Variants in NUCB2 observed in about 807,000 individuals in gnomAD.
NUCB2 encodes the protein nucleobindin-2.
NUCB2 carries 48 observed loss-of-function variants against 57.9 expected under a neutral mutation model. The observed-to-expected ratio is 0.83, with a 90% CI of 0.66 to 1.05. NUCB2 has a LOEUF of 1.05. NUCB2 is among the 50% of genes least tolerant of loss of function. The pLI is 0.00. For synonymous variants in NUCB2, 139 were observed against 152.1 expected, an observed-to-expected ratio of 0.91 and a Z score of 0.64; for missense variants, 442 against 476.2, an observed-to-expected ratio of 0.93 and a Z score of 0.67.
chr11:17,330,019 A>T lies in NUCB2; in HGVS notation c.1003-108A>T, dbSNP rs913595497. Reference sequence around the variant, plus strand: ...CTTCCTTCTTACCTCCAAAGGCGTAATCCTATAGATACTCTTTTATACTTT... The same window carrying T: ...CTTCCTTCTTACCTCCAAAGGCGTATTCCTATAGATACTCTTTTATACTTT... On this transcript the variant is annotated intron_variant, in intron 11 of 13. Coordinates refer to ENST00000529010, the MANE Select transcript of NUCB2 (RefSeq NM_005013.4). The surrounding 1 kb of genome is among the most constrained non-coding windows in gnomAD (Gnocchi z 4.3). 1.8e-6 allele frequency: 1 copy of T among 548,078 alleles called. No individual in the cohort carries two copies. Among genetic ancestry groups the T allele is most frequent in the African/African-American group, 1.9e-5 (1 of 52,646 alleles). 34.0% of individuals were successfully genotyped at this position (548,078 alleles called of 1,614,324 possible). A position where few individuals can be genotyped will look rare whatever the true frequency, so the allele number is the denominator to read the frequency against.
In NUCB2 at chr11:17,312,063, T is replaced by C; in HGVS notation, c.855T>C (p.Asp285=). ...EKVYDPKNEE[D]DMVEMEEERL... is the part of the protein sequence containing the mutation. ...TATATGACCCTAAAAATGAAGAGGATGATATGGTAGAAATGGAAGAAGAAA... is the reference window on the plus strand; with the variant it reads ...TATATGACCCTAAAAATGAAGAGGACGATATGGTAGAAATGGAAGAAGAAA... Residue 285 remains aspartate, a synonymous_variant, in exon 10 of 14, where the codon GAT becomes GAC. Coordinates refer to ENST00000529010, the MANE Select transcript of NUCB2 (RefSeq NM_005013.4). 2.5e-6 allele frequency: 4 copies of C among 1,591,072 alleles called. No homozygotes were observed. Among genetic ancestry groups the C allele is most frequent in the Non-Finnish European group, 3.4e-6 (4 of 1,168,648 alleles).
intron 2 of NUCB2, among the ~76,000 whole-genome samples, chr11:17,345,713 A>T (rs1297437175): frequency 6.6e-6 from 1 of 152,208 alleles, no homozygotes; most frequent in Non-Finnish European, 1.5e-5. Context: ...TCTCAAAAAA[A>T]AGAAAAGTAA....
At chr11:17,298,748 G>A (rs1170722511) in intron 4 of NUCB2, among the ~76,000 whole-genome samples, 1 of 151,468 alleles carries the variant, frequency 6.6e-6, no homozygotes, top group Middle Eastern at 3.4e-3. Context: ...ACCCAGGCTG[G>A]AGTACAGTGA....
At chr11:17,294,378 A>G (rs1235140570) in intron 2 of NUCB2, among the ~76,000 whole-genome samples, 5 of 152,172 alleles carry the variant, frequency 3.3e-5, no homozygotes, top group Non-Finnish European at 7.3e-5. Flanking sequence ...TAAGATTGAG[A>G]ACTAAACTTT....
intron 2 of NUCB2, among the ~76,000 whole-genome samples, chr11:17,290,310 C>CA (rs2138236480): frequency 6.6e-6 from 1 of 152,310 alleles, no homozygotes; most frequent in South Asian, 2.1e-4. Context: ...TGCAAAAACT[C>CA]AATCTGAAGT....
At chr11:17,333,193 C>T (rs984905246), downstream of NUCB2, 1 of 152,194 alleles carries the variant, frequency 6.6e-6, no homozygotes, top group Non-Finnish European at 1.5e-5. Flanking sequence ...AATTCCTTTA[C>T]CTAATGTCCT....
At chr11:17,349,513 GA>G (rs1236024807) in exon 3 of NUCB2, 1 of 152,190 alleles carries the variant, frequency 6.6e-6, no homozygotes, top group Non-Finnish European at 1.5e-5. Context: ...CAGAAAGAAG[GA>G]AGGGGAAAAG....
At chr11:17,328,680 G>A (rs546708450) in intron 11 of NUCB2, among the ~76,000 whole-genome samples, 1 of 152,146 alleles carries the variant, frequency 6.6e-6, no homozygotes, top group South Asian at 2.1e-4. Flanking sequence ...ATGCTGCCAG[G>A]CCTTTACCCT....
Position 17,288,956 on chromosome 11 carries a change from TATATATA to T in NUCB2, c.-1+6014_-1+6020del, listed in dbSNP as rs1324572413. 1.2e-3 allele frequency among the ~76,000 whole-genome samples: 95 copies of T among 77,578 alleles called. 13 individuals carry two copies. The highest frequency in any genetic ancestry group is 5.6e-3 in the African/African-American group (75 of 13,444). 50.9% of individuals were successfully genotyped at this position (77,578 alleles called of 152,430 possible). On this transcript the variant is annotated intron_variant, in intron 2 of 13. Coordinates refer to ENST00000529010, the MANE Select transcript of NUCB2 (RefSeq NM_005013.4). ...ACACACACACACACACACACATATA[TATATATA>T]TTTTTTTTTTTTGAGATGGAGTTTT...
chr11:17,278,217 C>T (rs1398933020), intron 1 of NUCB2: 1 of 148,412 alleles, frequency 6.7e-6, no homozygotes, highest in African/African-American at 2.5e-5. Context: ...ACTCTGTCAC[C>T]CAGGCTGGAG....
At chr11:17,321,646 T>G (rs766795268) in intron 11 of NUCB2, among the ~76,000 whole-genome samples, 5 of 152,206 alleles carry the variant, frequency 3.3e-5, no homozygotes, top group Non-Finnish European at 7.4e-5. Context: ...ATATGTTAAC[T>G]CTATTTTTAA....
rs1330820879 is a variant in NUCB2 at position 17,331,850 on chromosome 11, T to G, written c.*431T>G. ...ATCATTCCTTCTTTCAATAAATGTC[T>G]GTTTGATATTAACAATTCTGGAAAG... is the stretch of plus-strand genomic sequence containing the variant. On this transcript the variant is annotated 3_prime_UTR_variant, in exon 14 of 14. Transcript: ENST00000529010. 6.5e-6 allele frequency: 1 copy of G among 154,658 alleles called. No individual in the cohort carries two copies. Among genetic ancestry groups the G allele is most frequent in the Non-Finnish European group, 1.4e-5 (1 of 69,782 alleles). The allele number at this position is 154,658 out of a possible 1,614,324, so 9.6% of individuals were successfully genotyped here. A position where few individuals can be genotyped will look rare whatever the true frequency, so the allele number is the denominator to read the frequency against.
intron 4 of NUCB2, among the ~76,000 whole-genome samples, chr11:17,298,196 A>G (rs1310590783): frequency 1.3e-5 from 2 of 152,088 alleles, no homozygotes; most frequent in East Asian, 1.9e-4. Flanking sequence ...CCTGAGCAAC[A>G]TAGCGAGACC....
In NUCB2 at chr11:17,309,606, A is replaced by G. The variant is rs201994800; in HGVS notation, c.414A>G (p.Gln138=). The change falls in exon 6 of 14, where the codon CAA becomes CAG. Residue 138 remains glutamine, a synonymous_variant. Coordinates refer to ENST00000529010, the MANE Select transcript of NUCB2 (RefSeq NM_005013.4). The part of the protein sequence containing the change: ...IGMDHQALLK[Q]FDHLNHLNPD... ...TGGACCACCAAGCTCTTCTAAAACA[A>G]TTTGATCACCTAAACCACCTGAATC... The G allele has an allele frequency of 2.7e-4, 437 of 1,605,118 alleles. No individual in the cohort carries two copies. The highest frequency in any genetic ancestry group is 6.9e-4 in the Admixed American group (40 of 58,110).
intron 11 of NUCB2, among the ~76,000 whole-genome samples, chr11:17,324,444 T>C (rs183992420): frequency 2.3e-3 from 354 of 152,290 alleles, no homozygotes; most frequent in Non-Finnish European, 3.4e-3. Context: ...TTTTGAATTT[T>C]TTTTTTTGAG....
Position 17,339,968 on chromosome 11 carries a change from A to G in NUCB2, n.2626+2434A>G, listed in dbSNP as rs560562582. On this transcript the variant is annotated intron_variant and non_coding_transcript_variant, in intron 2 of 2. Transcript: ENST00000532240. ...GGTTGAACTAGTTTACAGTCCCACC[A>G]ACAGTGTAAAAGTGTTCCTATTTCT... is the stretch of plus-strand genomic sequence containing the variant. Among the ~76,000 whole-genome samples, 10 of 152,328 alleles carry G rather than the reference A, an allele frequency of 6.6e-5. No homozygotes were observed. In the South Asian group the frequency reaches 2.1e-3, roughly 32 times the overall value.
chr11:17,312,338 A>G (rs574951594), intron 10 of NUCB2, among the ~76,000 whole-genome samples: 3 of 151,372 alleles, frequency 2.0e-5, no homozygotes, highest in Non-Finnish European at 1.5e-5. Context: ...GGCTCAAGCA[A>G]TCCTTTGGTC....
intron 2 of NUCB2, among the ~76,000 whole-genome samples, chr11:17,341,639 A>G (rs887746859): frequency 6.6e-6 from 1 of 152,174 alleles, no homozygotes; most frequent in Non-Finnish European, 1.5e-5. Context: ...CGTATGTTGA[A>G]CCAGCCTTGC....
intron 11 of NUCB2, among the ~76,000 whole-genome samples, chr11:17,328,507 A>G (rs897857597): frequency 6.6e-6 from 1 of 152,202 alleles, no homozygotes; most frequent in East Asian, 1.9e-4. Context: ...CTGACACTCA[A>G]ATCACAATAC....
Sources: allele counts gnomAD v4.1 joint callset (sites outside exome capture counted in the v4.1 genomes callset), GRCh38; gene constraint gnomAD v4.1.1; non-coding constraint Gnocchi (gnomAD v3.1); transcripts MANE v1.5; gene names NCBI Gene and HGNC (gene_info 2026-07-23, HGNC 2026-07-21).